Variants in RTL1 observed in about 807,000 individuals in gnomAD.
The protein encoded by RTL1 is retrotransposon Gag like 1.
For synonymous variants in RTL1, 727 were observed against 748.4 expected, an observed-to-expected ratio of 0.97 and a Z score of 0.47; for missense variants, 1,681 against 1,767.5, an observed-to-expected ratio of 0.95 and a Z score of 0.88.
Position 100,883,095 on chromosome 14 carries a change from A to T in RTL1, c.1694T>A (p.Val565Glu). ...ATCATCTGCTTCCTTCGGGTTAAAC[A>T]CGTCGGCCAGGTCTGAGTATGGGTG... ...LPHPYSDLAD[V>E]FNPKEADDET... The change falls in exon 4 of 4, where the codon GTG (valine) becomes GAG (glutamate). Residue 565 changes from valine (V) to glutamate (E), a missense_variant. Coordinates refer to ENST00000649591, the MANE Select transcript of RTL1 (RefSeq NM_001134888.3). The surrounding 1 kb of genome is among the most constrained non-coding windows in gnomAD (Gnocchi z 5.9). The T allele has an allele frequency of 6.2e-7, 1 of 1,613,650 alleles. No individual in the cohort carries two copies. Among genetic ancestry groups the T allele is most frequent in the South Asian group, 1.1e-5 (1 of 90,928 alleles).
chr14:100,880,035 C>A lies in RTL1; in HGVS notation c.*677G>T, dbSNP rs902121550. On this transcript the variant is annotated 3_prime_UTR_variant, in exon 4 of 4. Transcript: ENST00000649591. ...GCAAGTCTGGTAAGTGGCACTGGTACGTCCGGATGCCCCAAAGAGCGGCTT... is the reference window on the plus strand; with the variant it reads ...GCAAGTCTGGTAAGTGGCACTGGTAAGTCCGGATGCCCCAAAGAGCGGCTT... Among the ~76,000 whole-genome samples the A allele has an allele frequency of 6.7e-6, 1 of 150,088 alleles. No individual in the cohort carries two copies. The highest frequency in any genetic ancestry group is 1.5e-5 in the Non-Finnish European group (1 of 67,666).
chr14:100,884,734 A>G lies in RTL1; in HGVS notation c.55T>C (p.Ser19Pro), dbSNP rs1465430581. The G allele has an allele frequency of 3.7e-6, 6 of 1,606,402 alleles. No individual in the cohort carries two copies. Among genetic ancestry groups the G allele is most frequent in the Non-Finnish European group, 4.2e-6 (5 of 1,177,468 alleles). Residue 19 changes from serine (S) to proline (P), a missense_variant, in exon 4 of 4, where the codon TCA becomes CCA. Transcript: ENST00000649591. ...FETMMEHKNP[S>P]SKQMESSEGS... ...TCGGAGGACTCCATTTGTTTTGATG[A>G]TGGATTCTTATGCTCCATCATCGTC...
chr14:100,882,509 G>A lies in RTL1; in HGVS notation c.2280C>T (p.Asn760=), dbSNP rs1219807489. 5 of 1,551,852 alleles carry A rather than the reference G, an allele frequency of 3.2e-6. No homozygotes were observed. The highest frequency in any genetic ancestry group is 2.4e-5 in the South Asian group (2 of 84,060). Reference sequence around the variant, plus strand: ...GGCTCTTGTCCAGGGAGCAGTAGACGTTGTGATGGCGGAAGCGGACCAGGA... The same window carrying A: ...GGCTCTTGTCCAGGGAGCAGTAGACATTGTGATGGCGGAAGCGGACCAGGA... ...RQVLVRFRHH[N]VYCSLDKSQF... is the part of the protein sequence containing the mutation. The change falls in exon 4 of 4, where the codon AAC becomes AAT. Residue 760 remains asparagine (N), a synonymous_variant. Coordinates refer to ENST00000649591, the MANE Select transcript of RTL1 (RefSeq NM_001134888.3).
chr14:100,887,312 T>C (rs1484914143), intron 3 of RTL1, among the ~76,000 whole-genome samples: 1 of 152,220 alleles, frequency 6.6e-6, no homozygotes, highest in Non-Finnish European at 1.5e-5. Flanking sequence ...AATTTGCTCT[T>C]ATAACTTCTG....
At chr14:100,902,367 CTG>C (rs1271143648) in intron 2 of RTL1, among the ~76,000 whole-genome samples, 2 of 152,232 alleles carry the variant, frequency 1.3e-5, no homozygotes, top group Non-Finnish European at 2.9e-5. Flanking sequence ...ACCTCTGTCT[CTG>C]TTCTTTTAGA....
chr14:100,882,285 C>G lies in RTL1; in HGVS notation c.2504G>C (p.Arg835Pro). The change falls in exon 4 of 4, where the codon CGG becomes CCG. Residue 835 changes from arginine to proline, a missense_variant. Physicochemically the swap from Arg to Pro is moderately radical, Grantham distance 103. Transcript: ENST00000649591. ...RFSIIAEPLV[R>P]QLLSSYQFYW... ...GAACTGGTAGGAGCTCAGCAGCTGCCGCACCAGGGGCTCTGCGATGATGCT... is the reference window on the plus strand; with the variant it reads ...GAACTGGTAGGAGCTCAGCAGCTGCGGCACCAGGGGCTCTGCGATGATGCT... 6.4e-7 allele frequency: 1 copy of G among 1,551,598 alleles called. No individual in the cohort carries two copies. The highest frequency in any genetic ancestry group is 8.7e-7 in the Non-Finnish European group (1 of 1,147,002).
In RTL1 at chr14:100,881,183, G is replaced by A; in HGVS notation, c.3606C>T (p.Val1202=). The A allele has an allele frequency of 6.5e-7, 1 of 1,541,478 alleles. No homozygotes were observed. Among genetic ancestry groups the A allele is most frequent in the Non-Finnish European group, 8.8e-7 (1 of 1,141,870 alleles). Residue 1202 remains valine (V), a synonymous_variant, in exon 4 of 4, where the codon GTC becomes GTT. Transcript: ENST00000649591. The surrounding 1 kb of genome is among the most constrained non-coding windows in gnomAD (Gnocchi z 6.6). ...FWLTLCEFFG[V]RVTPQEGHLP... The stretch of plus-strand genomic sequence containing the variant: ...GGTGGCCCTCCTGGGGGGTGACTCT[G>A]ACACCGAAGAACTCACACAGCGTCA...
In RTL1 at chr14:100,881,360, G is replaced by A. The variant is rs1192271833; in HGVS notation, c.3429C>T (p.Thr1143=). The A allele has an allele frequency of 3.2e-6, 5 of 1,550,530 alleles. No individual in the cohort carries two copies. In the South Asian group the frequency reaches 5.9e-5, roughly 18 times the overall value. ...IAGSSITTAI[T]QLLTQMPALV... Reference sequence around the variant, plus strand: ...GAGCGGGCATCTGGGTGAGCAGCTGGGTGATGGCTGTCGTGATGCTGCTGC... The same window carrying A: ...GAGCGGGCATCTGGGTGAGCAGCTGAGTGATGGCTGTCGTGATGCTGCTGC... Residue 1143 remains threonine (T), a synonymous_variant, in exon 4 of 4, where the codon ACC becomes ACT. Coordinates refer to ENST00000649591, the MANE Select transcript of RTL1 (RefSeq NM_001134888.3). This position sits in a 1 kb window ranked among gnomAD's most constrained non-coding sequence, Gnocchi z 6.6.
intron 2 of RTL1, among the ~76,000 whole-genome samples, chr14:100,900,536 A>G (rs1291388951): frequency 1.3e-5 from 2 of 152,238 alleles, no homozygotes; most frequent in African/African-American, 2.4e-5. Context: ...GCTTCATGCC[A>G]GAATCCCATT....
chr14:100,882,949 C>A lies in RTL1; in HGVS notation c.1840G>T (p.Ala614Ser), dbSNP rs770083676. 2 of 1,613,392 alleles carry A rather than the reference C, an allele frequency of 1.2e-6. No homozygotes were observed. Among genetic ancestry groups the A allele is most frequent in the African/African-American group, 2.7e-5 (2 of 74,882 alleles). The change falls in exon 4 of 4, where the codon GCG becomes TCG. Residue 614 changes from alanine (A) to serine (S), a missense_variant. Coordinates refer to ENST00000649591, the MANE Select transcript of RTL1 (RefSeq NM_001134888.3). Reference sequence around the variant, plus strand: ...CTGGCACCCACAGGTTCCCAAGGCGCGGTGGAGGGACACTCGTAAAAGGTC... The same window carrying A: ...CTGGCACCCACAGGTTCCCAAGGCGAGGTGGAGGGACACTCGTAAAAGGTC... Reference protein sequence around the residue: ...SETFYECPSTAPWEPVGARMQ... With the variant: ...SETFYECPSTSPWEPVGARMQ...
At chr14:100,887,096 G>T (rs918960610) in intron 3 of RTL1, among the ~76,000 whole-genome samples, 1 of 152,066 alleles carries the variant, frequency 6.6e-6, no homozygotes, top group Non-Finnish European at 1.5e-5. Context: ...CATTTTTATT[G>T]CCTGTAAAGT....
intron 2 of RTL1, among the ~76,000 whole-genome samples, chr14:100,894,221 A>G (rs1010675594): frequency 2.0e-5 from 3 of 150,876 alleles, no homozygotes; most frequent in Admixed American, 2.0e-4. Flanking sequence ...GAGGTAGGAG[A>G]ATTACTTGAA....
intron 3 of RTL1, among the ~76,000 whole-genome samples, chr14:100,890,513 G>A (rs917862065): frequency 6.6e-6 from 1 of 151,876 alleles, no homozygotes; most frequent in African/African-American, 2.4e-5. Flanking sequence ...GGAGGCTGGG[G>A]GCTGAGGAGG....
At chr14:100,901,972 C>T (rs911209865) in intron 2 of RTL1, among the ~76,000 whole-genome samples, 29 of 152,200 alleles carry the variant, frequency 1.9e-4, no homozygotes, top group Admixed American at 1.0e-3. Context: ...CTCACTTGCC[C>T]GCTTGCCTGC....
chr14:100,885,526 T>G (rs1236936018), intron 3 of RTL1, among the ~76,000 whole-genome samples: 1 of 136,086 alleles, frequency 7.3e-6, no homozygotes, highest in African/African-American at 2.6e-5. Context: ...GGTCTGGGTT[T>G]TTTTTTTTTT....
intron 2 of RTL1, among the ~76,000 whole-genome samples, chr14:100,901,598 C>T (rs534789604): frequency 6.6e-6 from 1 of 152,342 alleles, no homozygotes; most frequent in African/African-American, 2.4e-5. Flanking sequence ...GGTTGCTGCT[C>T]AGCCTCCAGA....
Position 100,880,214 on chromosome 14 carries a change from G to T in RTL1, c.*498C>A, listed in dbSNP as rs1423196887. Among the ~76,000 whole-genome samples the T allele has an allele frequency of 7.3e-6, 1 of 136,212 alleles. No individual in the cohort carries two copies. Among genetic ancestry groups the T allele is most frequent in the African/African-American group, 2.7e-5 (1 of 36,370 alleles). The allele number at this position is 136,212 out of a possible 152,430, so 89.4% of individuals were successfully genotyped here. On this transcript the variant is annotated 3_prime_UTR_variant, in exon 4 of 4. Transcript: ENST00000649591. ...GATGTCGGGAGGTTGGGGGATGGGGGTTGGGGGGCGGGGGCGGGAGCTCAG... is the reference window on the plus strand; with the variant it reads ...GATGTCGGGAGGTTGGGGGATGGGGTTTGGGGGGCGGGGGCGGGAGCTCAG...
chr14:100,895,500 A>G (rs2038843503), intron 2 of RTL1, among the ~76,000 whole-genome samples: 1 of 152,144 alleles, frequency 6.6e-6, no homozygotes, highest in African/African-American at 2.4e-5. Flanking sequence ...AAAGGCACTT[A>G]TTTTAGGTGG....
At chr14:100,890,674 A>C (rs561601141) in intron 3 of RTL1, among the ~76,000 whole-genome samples, 1 of 152,150 alleles carries the variant, frequency 6.6e-6, no homozygotes, top group Admixed American at 6.5e-5. Context: ...CTGGGCTGCC[A>C]GGATGGGTGT....
Sources: allele counts gnomAD v4.1 joint callset (sites outside exome capture counted in the v4.1 genomes callset), GRCh38; gene constraint gnomAD v4.1.1; non-coding constraint Gnocchi (gnomAD v3.1); transcripts MANE v1.5; gene names NCBI Gene and HGNC (gene_info 2026-07-23, HGNC 2026-07-21).